HYCC2: variants seen among roughly 807,000 people sequenced by gnomAD.
The protein encoded by HYCC2 is hyccin PI4KA lipid kinase complex subunit 2, also known as hyccin 2.
At chr2:201,029,657 T>A in the HYCC2 span, among the ~76,000 whole-genome samples, 1 of 152,116 alleles carries the variant, frequency 6.6e-6, no homozygotes, top group Non-Finnish European at 1.5e-5. Context: ...GAAACAATCA[T>A]TCTGAGCAAA....
the HYCC2 span, among the ~76,000 whole-genome samples, chr2:201,029,005 C>G: frequency 1.3e-5 from 2 of 152,146 alleles, no homozygotes; most frequent in East Asian, 3.9e-4. Context: ...AAACTACTGT[C>G]AGAGTGAACA....
chr2:201,005,016 CAAAAA>C, the HYCC2 span, among the ~76,000 whole-genome samples: 1 of 56,600 alleles, frequency 1.8e-5, no homozygotes, highest in East Asian at 6.3e-4. Flanking sequence ...GACTCCATCT[CAAAAA>C]AAAAAAAAAA....
chr2:201,063,397 T>C, the HYCC2 span: 1 of 1,587,808 alleles, frequency 6.3e-7, no homozygotes. Context: ...CCCACTTAAC[T>C]GTGAAAAAGA....
the HYCC2 span, chr2:200,975,571 C>T: frequency 6.6e-6 from 1 of 152,024 alleles, no homozygotes; most frequent in African/African-American, 2.4e-5. Flanking sequence ...TAATAGCAGA[C>T]ATCTGAATAT....
chr2:201,005,610 T>A, the HYCC2 span, among the ~76,000 whole-genome samples: 1 of 152,238 alleles, frequency 6.6e-6, no homozygotes, highest in African/African-American at 2.4e-5. Flanking sequence ...TGTATATTTA[T>A]CGCCTAGTTG....
At chr2:200,977,163 C>A in the HYCC2 span, 1 of 152,184 alleles carries the variant, frequency 6.6e-6, no homozygotes, top group Non-Finnish European at 1.5e-5. Flanking sequence ...ATCTAGATTA[C>A]TCTACATTTT....
At chr2:200,974,277 A>T in the HYCC2 span, 13 of 152,126 alleles carry the variant, frequency 8.5e-5, no homozygotes, top group African/African-American at 3.1e-4. Context: ...TGAAAGTGAG[A>T]TAGTTCTTAT....
the HYCC2 span, among the ~76,000 whole-genome samples, chr2:201,028,246 T>G: frequency 6.6e-6 from 1 of 151,978 alleles, no homozygotes; most frequent in Non-Finnish European, 1.5e-5. Flanking sequence ...TACCTAGGAA[T>G]CCAACTTACA....
the HYCC2 span, among the ~76,000 whole-genome samples, chr2:201,062,524 A>G: frequency 0.97 from 147,540 of 151,996 alleles, 71,766 homozygotes; most frequent in East Asian, 1. Flanking sequence ...GGTGGCGGGC[A>G]CCTGTAGTCC....
chr2:200,981,037 T>G, the HYCC2 span: 16 of 570,270 alleles, frequency 2.8e-5, no homozygotes, highest in African/African-American at 3.0e-4. The surrounding 1 kb of genome is among the most constrained non-coding windows in gnomAD (Gnocchi z 4.5). Context: ...GGCAACCATT[T>G]TATACTGCTT....
At chr2:201,059,556 G>A in the HYCC2 span, among the ~76,000 whole-genome samples, 13 of 151,986 alleles carry the variant, frequency 8.6e-5, no homozygotes, top group Admixed American at 2.0e-4. Context: ...CTTGACTTTT[G>A]GGAAGGAAAA....
the HYCC2 span, among the ~76,000 whole-genome samples, chr2:200,999,715 G>C: frequency 1.3e-5 from 2 of 150,112 alleles, no homozygotes; most frequent in African/African-American, 2.4e-5. Context: ...AAACATGAGG[G>C]AAAAAAGGTT....
chr2:201,055,372 A>G, the HYCC2 span, among the ~76,000 whole-genome samples: 5 of 151,116 alleles, frequency 3.3e-5, 1 homozygote, highest in African/African-American at 1.2e-4. Context: ...ACAAGAGCGA[A>G]ATTCCATCTC....
the HYCC2 span, among the ~76,000 whole-genome samples, chr2:201,061,886 A>G: frequency 6.6e-6 from 1 of 152,112 alleles, no homozygotes; most frequent in Non-Finnish European, 1.5e-5. Flanking sequence ...CAGGCAGATC[A>G]CTTGAGCCCA....
the HYCC2 span, chr2:201,023,843 C>T: frequency 1.4e-6 from 1 of 735,072 alleles, no homozygotes; most frequent in South Asian, 2.1e-5. Flanking sequence ...CCACTTCCTA[C>T]CATATTTTTA....
the HYCC2 span, chr2:201,011,319 TG>T: frequency 1.2e-6 from 1 of 856,312 alleles, no homozygotes; most frequent in Non-Finnish European, 1.8e-6. Flanking sequence ...TATTTATCTC[TG>T]ATAAGAAACT....
At chr2:201,021,849 C>T in the HYCC2 span, 1 of 357,874 alleles carries the variant, frequency 2.8e-6, no homozygotes, top group South Asian at 2.1e-5. Flanking sequence ...TATGCATACC[C>T]AGAGTTATAA....
At chr2:201,036,919 T>G in the HYCC2 span, among the ~76,000 whole-genome samples, 2 of 152,096 alleles carry the variant, frequency 1.3e-5, no homozygotes, top group East Asian at 3.9e-4. Flanking sequence ...GAGAAAGAAA[T>G]AAAGGGTATT....
the HYCC2 span, among the ~76,000 whole-genome samples, chr2:201,070,559 G>A: frequency 6.6e-6 from 1 of 152,140 alleles, no homozygotes; most frequent in African/African-American, 2.4e-5. Flanking sequence ...GGCTGGGGCA[G>A]GAGAATGGCT....
Sources: allele counts gnomAD v4.1 joint callset (sites outside exome capture counted in the v4.1 genomes callset), GRCh38; gene constraint gnomAD v4.1.1; non-coding constraint Gnocchi (gnomAD v3.1); transcripts MANE v1.5; gene names NCBI Gene and HGNC (gene_info 2026-07-23, HGNC 2026-07-21).